ADAMTS17: variants seen among roughly 807,000 people sequenced by gnomAD.
ADAMTS17 encodes ADAM metallopeptidase with thrombospondin type 1 motif 17.
In ADAMTS17, 113 loss-of-function variants were observed where a neutral mutation model predicts 141.5. That is an observed-to-expected ratio of 0.80 (90% CI 0.69 to 0.93). ADAMTS17 has a LOEUF of 0.93. Ranked by LOEUF, ADAMTS17 falls within the 40% of genes least tolerant of loss-of-function variation. ADAMTS17 has a pLI of 0.00. For synonymous variants in ADAMTS17, 768 were observed against 630.6 expected, an observed-to-expected ratio of 1.22 and a Z score of -3.27; for missense variants, 1,659 against 1,517.9, an observed-to-expected ratio of 1.09 and a Z score of -1.54.
chr15:100,077,010 A>T lies in ADAMTS17; in HGVS notation c.2137+19346T>A, dbSNP rs151334771. On this transcript the variant is annotated intron_variant, in intron 15 of 21. Coordinates refer to ENST00000268070, the MANE Select transcript of ADAMTS17 (RefSeq NM_139057.4). ...GTTGTTTCAAAATTTTCACTATAAG[A>T]AACAACACTGTATCATATATGAATA... Among the ~76,000 whole-genome samples the T allele has an allele frequency of 4.8e-3, 737 of 152,246 alleles. 9 individuals are homozygous for T. The highest frequency in any genetic ancestry group is 0.017 in the African/African-American group (688 of 41,536).
chr15:100,211,844 G>A (rs977503524), intron 7 of ADAMTS17, among the ~76,000 whole-genome samples: 4 of 152,010 alleles, frequency 2.6e-5, no homozygotes, highest in East Asian at 1.9e-4. Context: ...GACAATAACC[G>A]GCAAGGTTAT....
intron 4 of ADAMTS17, among the ~76,000 whole-genome samples, chr15:100,271,398 T>C (rs2043905820): frequency 6.6e-6 from 1 of 152,056 alleles, no homozygotes; most frequent in Non-Finnish European, 1.5e-5. Flanking sequence ...CTGTTTTGTT[T>C]TGGTGTTTTA....
intron 7 of ADAMTS17, among the ~76,000 whole-genome samples, chr15:100,251,566 A>C (rs1032614680): frequency 3.3e-5 from 5 of 152,214 alleles, no homozygotes; most frequent in Admixed American, 3.3e-4. Flanking sequence ...TCTACTAAAA[A>C]TACAAAAAAT....
At chr15:100,223,832 T>C (rs1164003027) in intron 7 of ADAMTS17, among the ~76,000 whole-genome samples, 1 of 151,872 alleles carries the variant, frequency 6.6e-6, no homozygotes, top group African/African-American at 2.4e-5. Flanking sequence ...TATGTGTGTA[T>C]ATATATGGAG....
At chr15:100,189,304 C>T (rs1013392899) in intron 8 of ADAMTS17, among the ~76,000 whole-genome samples, 5 of 152,144 alleles carry the variant, frequency 3.3e-5, no homozygotes, top group Admixed American at 3.3e-4. Flanking sequence ...AACTGGGGGA[C>T]GGTATATGGA....
At chr15:100,208,615 G>A (rs1308601001) in intron 7 of ADAMTS17, among the ~76,000 whole-genome samples, 1 of 152,156 alleles carries the variant, frequency 6.6e-6, no homozygotes, top group Non-Finnish European at 1.5e-5. Context: ...CTAGATCCAG[G>A]TCATCATTCA....
At chr15:100,037,056 T>C (rs1211609282) in intron 18 of ADAMTS17, among the ~76,000 whole-genome samples, 1 of 152,218 alleles carries the variant, frequency 6.6e-6, no homozygotes, top group Non-Finnish European at 1.5e-5. Context: ...GTTTTCATCA[T>C]TCTTGGGTAT....
At chr15:100,230,509 C>A (rs779790983) in intron 7 of ADAMTS17, among the ~76,000 whole-genome samples, 1 of 152,120 alleles carries the variant, frequency 6.6e-6, no homozygotes, top group Non-Finnish European at 1.5e-5. Flanking sequence ...GTGGAGGAAA[C>A]GGGGTTAGAC....
chr15:100,217,820 AG>A (rs1201188149), intron 7 of ADAMTS17, among the ~76,000 whole-genome samples: 2 of 152,258 alleles, frequency 1.3e-5, no homozygotes, highest in Non-Finnish European at 2.9e-5. Flanking sequence ...GAATACATGA[AG>A]AATCCTTACA....
At chr15:100,337,403 C>G (rs2046239487) in intron 2 of ADAMTS17, among the ~76,000 whole-genome samples, 1 of 152,250 alleles carries the variant, frequency 6.6e-6, no homozygotes, top group Non-Finnish European at 1.5e-5. Context: ...AAGAGTCCTA[C>G]AGCATGTGGC....
At chr15:99,998,069 C>T (rs922017999) in intron 18 of ADAMTS17, among the ~76,000 whole-genome samples, 2 of 152,264 alleles carry the variant, frequency 1.3e-5, no homozygotes, top group Middle Eastern at 3.4e-3. Context: ...CTACCGCCTG[C>T]GCTACTGTCA....
chr15:100,158,071 T>C (rs2039518437), intron 8 of ADAMTS17, among the ~76,000 whole-genome samples: 1 of 152,120 alleles, frequency 6.6e-6, no homozygotes, highest in Admixed American at 6.5e-5. Context: ...GTATTTTTAG[T>C]AGAGACAGGG....
intron 3 of ADAMTS17, among the ~76,000 whole-genome samples, chr15:100,307,372 T>G (rs1417411393): frequency 6.6e-6 from 1 of 152,146 alleles, no homozygotes; most frequent in African/African-American, 2.4e-5. Flanking sequence ...GGGCCCCCTG[T>G]GCTGCCATCA....
intron 12 of ADAMTS17, among the ~76,000 whole-genome samples, chr15:100,130,858 C>T (rs919976818): frequency 3.9e-5 from 6 of 152,116 alleles, no homozygotes; most frequent in South Asian, 2.1e-4. Context: ...CCAGCAATCC[C>T]ATTACTGAGT....
intron 12 of ADAMTS17, among the ~76,000 whole-genome samples, chr15:100,124,717 A>C (rs552759543): frequency 6.6e-6 from 1 of 151,826 alleles, no homozygotes; most frequent in Non-Finnish European, 1.5e-5. Flanking sequence ...TACCTTCATA[A>C]GTTTGTTTAA....
At chr15:100,273,812 C>T (rs2043991957) in intron 4 of ADAMTS17, among the ~76,000 whole-genome samples, 2 of 152,136 alleles carry the variant, frequency 1.3e-5, no homozygotes, top group Admixed American at 1.3e-4. Flanking sequence ...GTGTTTACCG[C>T]TATACATGCT....
intron 15 of ADAMTS17, among the ~76,000 whole-genome samples, chr15:100,090,374 C>G (rs1249760314): frequency 6.6e-6 from 1 of 152,202 alleles, no homozygotes; most frequent in Non-Finnish European, 1.5e-5. Flanking sequence ...ACTTTTGCAA[C>G]TAACAAACCT....
intron 3 of ADAMTS17, among the ~76,000 whole-genome samples, chr15:100,286,904 C>T (rs2044464896): frequency 6.6e-6 from 1 of 152,090 alleles, no homozygotes; most frequent in Non-Finnish European, 1.5e-5. Context: ...GATACAGGAG[C>T]TAAAAGATGA....
chr15:100,031,657 C>T (rs926878123), intron 18 of ADAMTS17, among the ~76,000 whole-genome samples: 15 of 152,202 alleles, frequency 9.9e-5, no homozygotes, highest in South Asian at 2.1e-4. Context: ...ATCTCATTTT[C>T]GACATAATGC....
Sources: gnomAD v4.1 joint callset for allele counts (sites outside exome capture counted in the v4.1 genomes callset) on GRCh38, gnomAD v4.1.1 for gene constraint, MANE v1.5 for transcripts, NCBI Gene and HGNC (gene_info 2026-07-23, HGNC 2026-07-21) for gene names.